The following HCN1 variants were observed in gnomAD, a reference collection of about 807,000 sequenced individuals.
HCN1 encodes the protein hyperpolarization activated cyclic nucleotide gated potassium channel 1.
Under a neutral mutation model 78.9 loss-of-function variants are expected in HCN1, and 13 were observed. The ratio of observed to expected loss-of-function variants is 0.16; its 90% CI spans 0.11 to 0.26. The LOEUF (loss-of-function observed/expected upper bound fraction) is 0.26. HCN1 is among the 10% of genes least tolerant of loss of function. HCN1 has a pLI of 1.00. For missense variants in HCN1, 810 were observed against 1,154.3 expected (o/e 0.70, Z 4.32); for synonymous variants, 552 against 455.5 (o/e 1.21, Z -2.70).
intron 2 of HCN1, among the ~76,000 whole-genome samples, chr5:45,620,663 T>A (rs1745042083): frequency 6.6e-6 from 1 of 151,860 alleles, no homozygotes; most frequent in Non-Finnish European, 1.5e-5. Flanking sequence ...ATACAAAAAA[T>A]GACCAAGCAA....
chr5:45,298,020 G>T (rs779870096), intron 6 of HCN1, among the ~76,000 whole-genome samples: 21 of 151,960 alleles, frequency 1.4e-4, no homozygotes, highest in Non-Finnish European at 2.9e-4. Flanking sequence ...ATACTTAATG[G>T]TGATAGGTGG....
chr5:45,658,048 C>G (rs549668353), intron 1 of HCN1, among the ~76,000 whole-genome samples: 10 of 152,184 alleles, frequency 6.6e-5, no homozygotes, highest in South Asian at 2.1e-4. Context: ...ACAGATAGAT[C>G]AATGGAACAG....
intron 5 of HCN1, among the ~76,000 whole-genome samples, chr5:45,305,657 T>C (rs1745714267): frequency 6.7e-6 from 1 of 150,244 alleles, no homozygotes; most frequent in Non-Finnish European, 1.5e-5. Context: ...AGGAAGCCAT[T>C]CGAAGGAAGA....
At chr5:45,579,574 A>T (rs572744247) in intron 2 of HCN1, among the ~76,000 whole-genome samples, 1 of 152,244 alleles carries the variant, frequency 6.6e-6, no homozygotes, top group African/African-American at 2.4e-5. Context: ...GCTTACAAAA[A>T]TTAAAAAGAG....
intron 2 of HCN1, among the ~76,000 whole-genome samples, chr5:45,555,955 G>A (rs1743460107): frequency 6.6e-6 from 1 of 151,896 alleles, no homozygotes; most frequent in Non-Finnish European, 1.5e-5. Flanking sequence ...GATACACTAA[G>A]GAAAAGACAG....
At chr5:45,361,949 G>C (rs949227704) in intron 4 of HCN1, among the ~76,000 whole-genome samples, 15 of 152,038 alleles carry the variant, frequency 9.9e-5, no homozygotes, top group African/African-American at 2.9e-4. Context: ...CAAGTAAATT[G>C]TCTGTCTAAA....
At chr5:45,561,376 A>G (rs974428990) in intron 2 of HCN1, among the ~76,000 whole-genome samples, 1 of 152,082 alleles carries the variant, frequency 6.6e-6, no homozygotes, top group Non-Finnish European at 1.5e-5. Context: ...AATGCAATCA[A>G]TTTAGAGTAC....
At chr5:45,397,876 A>T (rs1739716344) in intron 3 of HCN1, among the ~76,000 whole-genome samples, 1 of 151,720 alleles carries the variant, frequency 6.6e-6, no homozygotes, top group Admixed American at 6.6e-5. Flanking sequence ...GATTATCAAA[A>T]TTTATACAAT....
chr5:45,532,860 C>T (rs951642411), intron 2 of HCN1, among the ~76,000 whole-genome samples: 1 of 152,136 alleles, frequency 6.6e-6, no homozygotes, highest in Non-Finnish European at 1.5e-5. Flanking sequence ...CTTTTCCTTG[C>T]AAATGGAACT....
chr5:45,589,672 C>T (rs1744320612), intron 2 of HCN1, among the ~76,000 whole-genome samples: 1 of 151,338 alleles, frequency 6.6e-6, no homozygotes, highest in African/African-American at 2.5e-5. Flanking sequence ...CTAGAGAGTT[C>T]TATAATTCCA....
At chr5:45,669,064 A>G (rs542641857) in intron 1 of HCN1, among the ~76,000 whole-genome samples, 1 of 151,956 alleles carries the variant, frequency 6.6e-6, no homozygotes. Flanking sequence ...CTAGGTCTCT[A>G]TCTCATTCCT....
At chr5:45,608,357 ATGTGTGTGTGTG>A (rs397970171) in intron 2 of HCN1, among the ~76,000 whole-genome samples, 1 of 140,410 alleles carries the variant, frequency 7.1e-6, no homozygotes. Context: ...GGATGGGTGT[ATGTGTGTGTGTG>A]TGTGTGTGTG....
At chr5:45,649,459 C>T (rs1745635261) in intron 1 of HCN1, among the ~76,000 whole-genome samples, 1 of 152,142 alleles carries the variant, frequency 6.6e-6, no homozygotes, top group African/African-American at 2.4e-5. Context: ...TTAGGATTCA[C>T]TGTTGGTGTA....
At chr5:45,497,419 G>T (rs1270914963) in intron 2 of HCN1, among the ~76,000 whole-genome samples, 3 of 152,152 alleles carry the variant, frequency 2.0e-5, no homozygotes, top group Non-Finnish European at 4.4e-5. Context: ...AGCATAGTTA[G>T]CTCTTCTTGT....
At chr5:45,630,194 A>T (rs533252433) in intron 2 of HCN1, among the ~76,000 whole-genome samples, 13 of 152,266 alleles carry the variant, frequency 8.5e-5, no homozygotes, top group African/African-American at 3.1e-4. Flanking sequence ...CCCTGCCTCA[A>T]ATCTTACCTG....
chr5:45,428,007 T>C (rs1445481351), intron 3 of HCN1, among the ~76,000 whole-genome samples: 3 of 152,100 alleles, frequency 2.0e-5, no homozygotes, highest in Non-Finnish European at 2.9e-5. Context: ...TAGAGTTAGA[T>C]GGTTCTTAAG....
intron 4 of HCN1, among the ~76,000 whole-genome samples, chr5:45,363,685 G>A (rs375456902): frequency 6.6e-5 from 10 of 151,900 alleles, no homozygotes; most frequent in Admixed American, 6.6e-5. Flanking sequence ...TAAATCATGG[G>A]GGCCAGTTTT....
chr5:45,280,810 T>C (rs758687579), intron 6 of HCN1, among the ~76,000 whole-genome samples: 1 of 152,218 alleles, frequency 6.6e-6, no homozygotes, highest in Non-Finnish European at 1.5e-5. Flanking sequence ...CTTTTTTGGA[T>C]ACTCTTCTTG....
intron 4 of HCN1, among the ~76,000 whole-genome samples, chr5:45,369,618 C>T (rs144090922): frequency 2.9e-4 from 44 of 152,120 alleles, no homozygotes; most frequent in Admixed American, 1.3e-3. Flanking sequence ...CAATATTCTT[C>T]AGTGGTAAGA....
Sources: gnomAD v4.1 joint callset for allele counts (sites outside exome capture counted in the v4.1 genomes callset) on GRCh38, gnomAD v4.1.1 for gene constraint, MANE v1.5 for transcripts, NCBI Gene and HGNC (gene_info 2026-07-23, HGNC 2026-07-21) for gene names.